The following GRM7 variants were observed in gnomAD, a reference collection of about 807,000 sequenced individuals.
GRM7 encodes the protein glutamate metabotropic receptor 7.
In GRM7, 35 loss-of-function variants were observed where a neutral mutation model predicts 84.5. That is an observed-to-expected ratio of 0.41 (90% confidence interval 0.32 to 0.55). The LOEUF (loss-of-function observed/expected upper bound fraction) is 0.55, where lower values mean the gene tolerates loss of function less well. GRM7 is among the 20% of genes least tolerant of loss of function. The probability of loss-of-function intolerance (pLI) is 0.19; values close to 1 mark genes in which losing one functional copy is unlikely to be tolerated. For synonymous variants in GRM7, 487 were observed against 455.1 expected, an observed-to-expected ratio of 1.07 and a Z score of -0.89; for missense variants, 1,003 against 1,194.6, an observed-to-expected ratio of 0.84 and a Z score of 2.36.
chr3:7,678,243 C>T (rs907768183), intron 8 of GRM7, among the ~76,000 whole-genome samples: 4 of 152,104 alleles, frequency 2.6e-5, no homozygotes, highest in Non-Finnish European at 5.9e-5. Flanking sequence ...CATATGTGTA[C>T]ACACATACAA....
At chr3:7,122,078 C>T (rs551537930) in intron 1 of GRM7, among the ~76,000 whole-genome samples, 1 of 152,240 alleles carries the variant, frequency 6.6e-6, no homozygotes, top group East Asian at 1.9e-4. Flanking sequence ...AACTAAGGAC[C>T]AAATAAAATC....
At chr3:7,611,155 C>A (rs1696829623) in intron 8 of GRM7, among the ~76,000 whole-genome samples, 1 of 152,138 alleles carries the variant, frequency 6.6e-6, no homozygotes, top group Admixed American at 6.6e-5. Flanking sequence ...TCATATTCCT[C>A]ACCTGTTAAA....
At chr3:7,692,605 A>AT (rs1700849179) in intron 9 of GRM7, among the ~76,000 whole-genome samples, 1 of 152,102 alleles carries the variant, frequency 6.6e-6, no homozygotes, top group Non-Finnish European at 1.5e-5. Context: ...TTTTCACCAT[A>AT]TTTTCACTAT....
chr3:6,922,637 T>TA (rs543004520), intron 1 of GRM7, among the ~76,000 whole-genome samples: 1 of 151,998 alleles, frequency 6.6e-6, no homozygotes, highest in Non-Finnish European at 1.5e-5. Flanking sequence ...ACCTATAACA[T>TA]ACATATAGAA....
chr3:7,103,537 A>G (rs995034189), intron 1 of GRM7, among the ~76,000 whole-genome samples: 2 of 151,830 alleles, frequency 1.3e-5, no homozygotes, highest in Non-Finnish European at 2.9e-5. Context: ...TTTCCATTGC[A>G]CTTACATGTT....
chr3:7,444,390 G>C (rs779253403), intron 5 of GRM7, among the ~76,000 whole-genome samples: 6 of 152,178 alleles, frequency 3.9e-5, no homozygotes, highest in Non-Finnish European at 7.4e-5. Context: ...GAAAGCTTAG[G>C]AGAAGGAAAT....
chr3:7,542,377 G>A (rs564245079), intron 7 of GRM7, among the ~76,000 whole-genome samples: 1 of 152,206 alleles, frequency 6.6e-6, no homozygotes, highest in Admixed American at 6.5e-5. Context: ...CTCTCAGCCT[G>A]GAATAATGCA....
chr3:6,866,684 T>C (rs1442804075), intron 1 of GRM7, among the ~76,000 whole-genome samples: 2 of 152,218 alleles, frequency 1.3e-5, no homozygotes, highest in Non-Finnish European at 2.9e-5. Flanking sequence ...GGCAGCAAGC[T>C]ATAGCTTTCG....
chr3:7,361,695 A>G (rs1420956649), intron 4 of GRM7, among the ~76,000 whole-genome samples: 1 of 152,134 alleles, frequency 6.6e-6, no homozygotes, highest in Non-Finnish European at 1.5e-5. Flanking sequence ...AAGAAAATGA[A>G]TTATATAGAA....
intron 4 of GRM7, among the ~76,000 whole-genome samples, chr3:7,365,656 T>G (rs1224861684): frequency 1.4e-5 from 2 of 145,022 alleles, no homozygotes; most frequent in African/African-American, 2.5e-5. Context: ...TGTATATATA[T>G]ATATATATAC....
chr3:7,716,725 T>A (rs2106516122), intron 9 of GRM7, among the ~76,000 whole-genome samples: 2 of 152,304 alleles, frequency 1.3e-5, no homozygotes, highest in African/African-American at 4.8e-5. Flanking sequence ...GTTACAGAAA[T>A]TGACATTTGG....
chr3:7,349,221 A>AT (rs1330917752), intron 4 of GRM7, among the ~76,000 whole-genome samples: 1 of 151,800 alleles, frequency 6.6e-6, no homozygotes, highest in Non-Finnish European at 1.5e-5. Context: ...TTGTAGTTTG[A>AT]TTTTCCTCTT....
intron 4 of GRM7, among the ~76,000 whole-genome samples, chr3:7,410,327 T>C (rs554838030): frequency 4.6e-5 from 7 of 152,228 alleles, no homozygotes; most frequent in Admixed American, 1.3e-4. Flanking sequence ...TCCCAACACT[T>C]TGGGAGGCCG....
chr3:7,566,261 A>C (rs1694263323), intron 7 of GRM7, among the ~76,000 whole-genome samples: 1 of 152,168 alleles, frequency 6.6e-6, no homozygotes, highest in East Asian at 1.9e-4. Flanking sequence ...GATGTGTTTC[A>C]ATAAAACTTT....
At chr3:6,888,483 T>C (rs1695795625) in intron 1 of GRM7, among the ~76,000 whole-genome samples, 3 of 152,166 alleles carry the variant, frequency 2.0e-5, no homozygotes, top group Non-Finnish European at 4.4e-5. Flanking sequence ...ATTTATTAAA[T>C]AGGGAATCCT....
At chr3:7,661,815 A>AAAAAAAAAAAAAAAAAAAAAAAAAAAAAG (rs1699464286) in intron 8 of GRM7, among the ~76,000 whole-genome samples, 2 of 144,836 alleles carry the variant, frequency 1.4e-5, no homozygotes, top group African/African-American at 2.5e-5. Flanking sequence ...AAAAAAAAAA[A>AAAAAAAAAAAAAAAAAAAAAAAAAAAAAG]AAAAATGTAA....
At chr3:7,200,373 T>G (rs1434730729) in intron 2 of GRM7, among the ~76,000 whole-genome samples, 1 of 152,222 alleles carries the variant, frequency 6.6e-6, no homozygotes, top group Non-Finnish European at 1.5e-5. Flanking sequence ...ATGTTTTTAC[T>G]TTCATGAAAG....
chr3:7,396,725 C>A (rs1695226553), intron 4 of GRM7, among the ~76,000 whole-genome samples: 1 of 152,098 alleles, frequency 6.6e-6, no homozygotes, highest in Non-Finnish European at 1.5e-5. Context: ...ATGAGGAATG[C>A]ATAAACCCTC....
chr3:7,423,565 A>C (rs527332944), intron 5 of GRM7, among the ~76,000 whole-genome samples: 132 of 152,270 alleles, frequency 8.7e-4, no homozygotes, highest in African/African-American at 3.1e-3. Context: ...GGAATGACTT[A>C]TCAAGTATCA....
Sources: gnomAD v4.1 joint callset for allele counts (sites outside exome capture counted in the v4.1 genomes callset) on GRCh38, gnomAD v4.1.1 for gene constraint, MANE v1.5 for transcripts, NCBI Gene and HGNC (gene_info 2026-07-23, HGNC 2026-07-21) for gene names.